Variants in SBF2 observed in about 807,000 individuals in gnomAD.
SBF2 encodes the protein SET binding factor 2, also known as myotubularin-related protein 13.
A neutral mutation model predicts 225.2 loss-of-function variants in SBF2; 112 were observed. That is an observed-to-expected ratio of 0.50 (90% CI 0.43 to 0.58). The LOEUF (loss-of-function observed/expected upper bound fraction) is 0.58. Among genes scored for constraint, SBF2 ranks in the 20% least tolerant of loss-of-function variants. SBF2 has a pLI of 0.00. For missense variants in SBF2, 1,996 were observed against 2,206.2 expected (o/e 0.90, Z 1.91); for synonymous variants, 763 against 773.3 (o/e 0.99, Z 0.22).
rs762887256 is a variant in SBF2 at position 9,784,379 on chromosome 11, C to G, written c.5291G>C (p.Trp1764Ser). Residue 1764 changes from tryptophan (W) to serine (S), a missense_variant, in exon 38 of 40, where the codon TGG becomes TCG. Coordinates refer to ENST00000256190, the MANE Select transcript of SBF2 (RefSeq NM_030962.4). Reference sequence around the variant, plus strand: ...ATGTTTTGTTACATCCAAAACAAACCAACGGGGCTTCCAACCTTTCAGCAA... The same window carrying G: ...ATGTTTTGTTACATCCAAAACAAACGAACGGGGCTTCCAACCTTTCAGCAA... ...GALLKGWKPR[W>S]FVLDVTKHQL... 2 of 1,614,100 alleles carry G rather than the reference C, an allele frequency of 1.2e-6. No homozygotes were observed. Among genetic ancestry groups the G allele is most frequent in the Admixed American group, 1.7e-5 (1 of 60,026 alleles).
intron 17 of SBF2, among the ~76,000 whole-genome samples, chr11:9,892,972 A>G (rs1860960483): frequency 6.6e-6 from 1 of 152,224 alleles, no homozygotes; most frequent in Non-Finnish European, 1.5e-5. Flanking sequence ...CCTAGGGACC[A>G]TGTCAATGTT....
intron 8 of SBF2, 100 bp from the exon 9 acceptor site, chr11:9,998,479 G>T (rs1947807231): frequency 4.3e-6 from 3 of 699,056 alleles, no homozygotes; most frequent in Admixed American, 4.5e-5. Flanking sequence ...AGAATCAGAT[G>T]TGGAAGAGAC....
intron 2 of SBF2, among the ~76,000 whole-genome samples, chr11:10,099,714 G>A (rs547009142): frequency 6.6e-6 from 1 of 152,136 alleles, no homozygotes; most frequent in South Asian, 2.1e-4. Context: ...TTGGGGTGGG[G>A]GGAATAAAAG....
At chr11:10,148,749 C>T (rs1201684144) in intron 2 of SBF2, among the ~76,000 whole-genome samples, 1 of 139,116 alleles carries the variant, frequency 7.2e-6, no homozygotes, top group Admixed American at 7.1e-5. Flanking sequence ...TTTAGAAATG[C>T]AAAAAAAAAA....
chr11:10,252,580 G>C (rs2009648855), intron 1 of SBF2, among the ~76,000 whole-genome samples: 1 of 152,202 alleles, frequency 6.6e-6, no homozygotes, highest in South Asian at 2.1e-4. Flanking sequence ...AAGGCGGGCA[G>C]ATCACGGATC....
intron 16 of SBF2, among the ~76,000 whole-genome samples, chr11:9,900,194 A>G (rs1861616199): frequency 6.6e-6 from 1 of 152,350 alleles, no homozygotes; most frequent in South Asian, 2.1e-4. Flanking sequence ...TAAGATCATC[A>G]AAAATCCTAT....
In SBF2 at chr11:9,920,709, AAGG is replaced by A. The variant is rs1863548864; in HGVS notation, c.1861-24701_1861-24699del. ...ACTGGTTTTAAAATACTAGCTGCAGAAGGAGGCCAATTTCCCGAAACAAAAGTG... is the reference window on the plus strand; with the variant it reads ...ACTGGTTTTAAAATACTAGCTGCAGAAGGCCAATTTCCCGAAACAAAAGTG... On this transcript the variant is annotated intron_variant, in intron 16 of 39. Coordinates refer to ENST00000256190, the MANE Select transcript of SBF2 (RefSeq NM_030962.4). Among the ~76,000 whole-genome samples, 3 of 152,170 alleles carry A rather than the reference AAGG, an allele frequency of 2.0e-5. No homozygotes were observed. In the South Asian group the frequency reaches 6.2e-4, roughly 32 times the overall value.
intron 2 of SBF2, among the ~76,000 whole-genome samples, chr11:10,084,128 T>C (rs1276583442): frequency 6.6e-6 from 1 of 152,138 alleles, no homozygotes; most frequent in African/African-American, 2.4e-5. Flanking sequence ...ACTCAGAATC[T>C]ATGAGGAATT....
intron 23 of SBF2, 51 bp from the exon 24 acceptor site, chr11:9,845,791 A>G: frequency 6.4e-7 from 1 of 1,557,966 alleles, no homozygotes. Context: ...ATTTCCTGGC[A>G]ACTTTCCCCC....
intron 28 of SBF2, among the ~76,000 whole-genome samples, chr11:9,824,341 G>A (rs1276636730): frequency 6.6e-6 from 1 of 151,996 alleles, no homozygotes; most frequent in Non-Finnish European, 1.5e-5. Context: ...GGTGAATCAC[G>A]AGGTCAGGAG....
chr11:10,227,228 G>C (rs1958611423), intron 1 of SBF2, among the ~76,000 whole-genome samples: 1 of 152,098 alleles, frequency 6.6e-6, no homozygotes, highest in African/African-American at 2.4e-5. Flanking sequence ...TTAGACCTTT[G>C]TCAGATGAGT....
intron 1 of SBF2, among the ~76,000 whole-genome samples, chr11:10,197,204 C>T (rs1258742657): frequency 6.6e-6 from 1 of 152,004 alleles, no homozygotes; most frequent in South Asian, 2.1e-4. Context: ...CTAAATGGGA[C>T]CACACTACTC....
chr11:9,910,715 A>C (rs528950762), intron 16 of SBF2, among the ~76,000 whole-genome samples: 134 of 151,216 alleles, frequency 8.9e-4, no homozygotes, highest in African/African-American at 2.8e-3. Flanking sequence ...AAAAAAAACA[A>C]CTTTTTTTTA....
At chr11:9,924,467 T>C (rs1189434538) in intron 16 of SBF2, among the ~76,000 whole-genome samples, 5 of 152,170 alleles carry the variant, frequency 3.3e-5, no homozygotes, top group African/African-American at 1.2e-4. Flanking sequence ...AGTCTCGCTC[T>C]GTTGCCCAGG....
intron 16 of SBF2, chr11:9,959,757 G>GTT: frequency 3.1e-6 from 2 of 653,740 alleles, no homozygotes; most frequent in Non-Finnish European, 2.9e-6. Flanking sequence ...TGACGCCTCT[G>GTT]TTTAAGTGGG....
intron 2 of SBF2, among the ~76,000 whole-genome samples, chr11:10,043,822 T>C (rs934986323): frequency 2.0e-5 from 3 of 152,168 alleles, no homozygotes; most frequent in Non-Finnish European, 4.4e-5. Flanking sequence ...AATTCTCCTG[T>C]GTCAGTCTCC....
chr11:10,223,402 TATATATATATATATATATATATA>T (rs1958416883), intron 1 of SBF2, among the ~76,000 whole-genome samples: 1 of 58,394 alleles, frequency 1.7e-5, no homozygotes, highest in African/African-American at 1.1e-4. Flanking sequence ...TTGCACATTA[TATATATATATATATATATATATA>T]TATATATATA....
intron 1 of SBF2, among the ~76,000 whole-genome samples, chr11:10,285,263 T>C (rs1176952240): frequency 2.0e-5 from 3 of 151,546 alleles, no homozygotes; most frequent in South Asian, 2.1e-4. Flanking sequence ...TAAACTGTGA[T>C]TGTGCGACTG....
At chr11:10,251,483 C>T (rs1291239080) in intron 1 of SBF2, among the ~76,000 whole-genome samples, 1 of 152,140 alleles carries the variant, frequency 6.6e-6, no homozygotes. Context: ...CACTTGTGGC[C>T]TATGGACAAA....
Sources: gnomAD v4.1 joint callset for allele counts (sites outside exome capture counted in the v4.1 genomes callset) on GRCh38, gnomAD v4.1.1 for gene constraint, MANE v1.5 for transcripts, NCBI Gene and HGNC (gene_info 2026-07-23, HGNC 2026-07-21) for gene names.